The following CFAP299 variants were observed in gnomAD, a reference collection of about 807,000 sequenced individuals.
The protein encoded by CFAP299 is cilia and flagella associated protein 299, also known as cilia- and flagella-associated protein 299.
A neutral mutation model predicts 27.0 loss-of-function variants in CFAP299; 21 were observed. The observed-to-expected ratio is 0.78, with a 90% confidence interval of 0.55 to 1.12. The LOEUF is 1.12. Ranked by LOEUF, CFAP299 falls within the 50% of genes most tolerant of loss-of-function variation. CFAP299 has a pLI of 0.00. For missense variants in CFAP299, 310 were observed against 276.6 expected, an observed-to-expected ratio of 1.12 and a Z score of -0.86; for synonymous variants, 104 against 98.1, an observed-to-expected ratio of 1.06 and a Z score of -0.36.
chr4:80,724,648 C>T (rs1723040229), intron 3 of CFAP299, among the ~76,000 whole-genome samples: 1 of 151,832 alleles, frequency 6.6e-6, no homozygotes, highest in African/African-American at 2.4e-5. Context: ...TTGTTTAATT[C>T]TCTACACACT....
Position 80,875,262 on chromosome 4 carries a change from T to G in CFAP299, c.476+5127T>G, listed in dbSNP as rs1269360499. 4.6e-5 allele frequency among the ~76,000 whole-genome samples: 7 copies of G among 152,322 alleles called. No individual in the cohort carries two copies. In the East Asian group the frequency reaches 1.4e-3, roughly 29 times the overall value. ...CATTGGACCAGATCTGCCTGCAGAA[T>G]TGTTTATTTGGCCTGCACAATTGTA... On this transcript the variant is annotated intron_variant, in intron 4 of 5. Coordinates refer to ENST00000358105, the MANE Select transcript of CFAP299 (RefSeq NM_152770.3).
At chr4:80,417,871 C>G (rs977267972) in intron 2 of CFAP299, among the ~76,000 whole-genome samples, 6 of 152,054 alleles carry the variant, frequency 3.9e-5, no homozygotes, top group Admixed American at 2.6e-4. Flanking sequence ...GTCTCTTCCA[C>G]CATGTGAAGA....
At chr4:80,333,139 G>A (rs917190357), upstream of CFAP299, among the ~76,000 whole-genome samples, 5 of 152,090 alleles carry the variant, frequency 3.3e-5, no homozygotes, top group African/African-American at 7.2e-5. Flanking sequence ...GCAAACTCCC[G>A]GATTATGACA....
chr4:80,689,640 A>G (rs1578021911), intron 3 of CFAP299, among the ~76,000 whole-genome samples: 2 of 152,188 alleles, frequency 1.3e-5, no homozygotes, highest in East Asian at 1.9e-4. Context: ...TCAACTAACG[A>G]GCAAAATAAC....
At chr4:80,914,009 G>T (rs767290013) in intron 4 of CFAP299, among the ~76,000 whole-genome samples, 14 of 152,078 alleles carry the variant, frequency 9.2e-5, no homozygotes, top group African/African-American at 3.4e-4. Flanking sequence ...TCATCCATGC[G>T]TTCTATTTAT....
rs148371847 is a variant in CFAP299 at position 80,563,729 on chromosome 4, A to G, written c.243-19364A>G. Among the ~76,000 whole-genome samples the G allele has an allele frequency of 3.9e-3, 599 of 152,224 alleles. 7 individuals are homozygous for G. The highest frequency in any genetic ancestry group is 0.034 in the Admixed American group (516 of 15,276). On this transcript the variant is annotated intron_variant, in intron 2 of 5. Coordinates refer to ENST00000358105, the MANE Select transcript of CFAP299 (RefSeq NM_152770.3). ...AGAAATAAAGGAAATTGAAATGAAT[A>G]AAACAACACAAAATATCAATGAAAC... is the stretch of plus-strand genomic sequence containing the variant.
chr4:80,869,493 G>C (rs1392590906), intron 3 of CFAP299, among the ~76,000 whole-genome samples: 1 of 152,094 alleles, frequency 6.6e-6, no homozygotes, highest in Non-Finnish European at 1.5e-5. Flanking sequence ...TTTTCAACTG[G>C]AATATTGCAA....
chr4:80,815,633 A>G (rs1401283706), intron 3 of CFAP299, among the ~76,000 whole-genome samples: 1 of 152,080 alleles, frequency 6.6e-6, no homozygotes, highest in Admixed American at 6.6e-5. Flanking sequence ...ATATGAATTA[A>G]TTAAATGTAT....
In CFAP299 at chr4:80,436,390, A is replaced by C. The variant is rs991299870; in HGVS notation, c.242+73506A>C. On this transcript the variant is annotated intron_variant, in intron 2 of 5. Transcript: ENST00000358105. ...CTCAGCTCACTGTAAGCTCCGCCTC[A>C]CAGGTTCACGCCATTCTCCTGCCTC... Among the ~76,000 whole-genome samples, 7 of 148,026 alleles carry C rather than the reference A, an allele frequency of 4.7e-5. No homozygotes were observed. In the South Asian group the frequency reaches 8.4e-4, roughly 18 times the overall value.
intron 2 of CFAP299, among the ~76,000 whole-genome samples, chr4:80,554,840 C>T (rs1332979267): frequency 6.6e-6 from 1 of 152,052 alleles, no homozygotes; most frequent in Non-Finnish European, 1.5e-5. Context: ...GATTTTTGTA[C>T]ATTGATTTTG....
intron 2 of CFAP299, among the ~76,000 whole-genome samples, chr4:80,457,792 A>T (rs1729237973): frequency 6.6e-6 from 1 of 152,094 alleles, no homozygotes; most frequent in Non-Finnish European, 1.5e-5. Context: ...CCCTCTGCCA[A>T]GGATATAATT....
chr4:80,869,205 T>A (rs1732932489), intron 3 of CFAP299, among the ~76,000 whole-genome samples: 1 of 152,134 alleles, frequency 6.6e-6, no homozygotes, highest in Non-Finnish European at 1.5e-5. Flanking sequence ...CTAATTTACA[T>A]GGAGTTATGT....
At chr4:80,789,432 TTAGA>T (rs1286989336) in intron 3 of CFAP299, among the ~76,000 whole-genome samples, 1 of 152,010 alleles carries the variant, frequency 6.6e-6, no homozygotes, top group Non-Finnish European at 1.5e-5. Flanking sequence ...TCTACCTACA[TTAGA>T]TAGCCTCATG....
chr4:80,820,573 G>A (rs1192031586), intron 3 of CFAP299, among the ~76,000 whole-genome samples: 6 of 152,184 alleles, frequency 3.9e-5, no homozygotes, highest in South Asian at 2.1e-4. Flanking sequence ...GGGGAGGGAC[G>A]GAGGAGCCAG....
chr4:80,846,641 T>C (rs574767397), intron 3 of CFAP299, among the ~76,000 whole-genome samples: 1 of 152,292 alleles, frequency 6.6e-6, no homozygotes, highest in Admixed American at 6.5e-5. Flanking sequence ...AGATATTGAT[T>C]TATAGTTTCT....
chr4:80,507,647 G>T (rs536589570), intron 2 of CFAP299, among the ~76,000 whole-genome samples: 2 of 152,108 alleles, frequency 1.3e-5, no homozygotes, highest in Non-Finnish European at 2.9e-5. Flanking sequence ...CACAGCTACT[G>T]CTGTGGTCTA....
chr4:80,781,614 C>T lies in CFAP299; in HGVS notation c.334-88379C>T, dbSNP rs1010133687. Among the ~76,000 whole-genome samples, 11 of 152,018 alleles carry T rather than the reference C, an allele frequency of 7.2e-5. No homozygotes were observed. The East Asian group carries it at 7.7e-4, about 11-fold the overall frequency. ...TGTCATTGTTCATGCAATAAATATA[C>T]GGGAAGGTTTCACTAACAAGGTTGT... is the stretch of plus-strand genomic sequence containing the variant. On this transcript the variant is annotated intron_variant, in intron 3 of 5. Coordinates refer to ENST00000358105, the MANE Select transcript of CFAP299 (RefSeq NM_152770.3).
At chr4:80,476,956 C>T (rs1351306893) in intron 2 of CFAP299, among the ~76,000 whole-genome samples, 3 of 143,152 alleles carry the variant, frequency 2.1e-5, no homozygotes, top group African/African-American at 7.5e-5. Flanking sequence ...TGTGTGTGCG[C>T]ATGCGTGTGT....
At chr4:80,594,256 C>T (rs904128679) in intron 3 of CFAP299, among the ~76,000 whole-genome samples, 4 of 152,156 alleles carry the variant, frequency 2.6e-5, no homozygotes, top group East Asian at 1.9e-4. Context: ...ACCTTCTTCA[C>T]AAGGTGGCAG....
Sources: gnomAD v4.1 joint callset for allele counts (sites outside exome capture counted in the v4.1 genomes callset) on GRCh38, gnomAD v4.1.1 for gene constraint, MANE v1.5 for transcripts, NCBI Gene and HGNC (gene_info 2026-07-23, HGNC 2026-07-21) for gene names.